The following LPP variants were observed in gnomAD, a reference collection of about 807,000 sequenced individuals.
LPP encodes LIM domain containing preferred translocation partner in lipoma, also known as lipoma-preferred partner.
A neutral mutation model predicts 60.4 loss-of-function variants in LPP; 38 were observed. The ratio of observed to expected loss-of-function variants is 0.63; its 90% CI spans 0.49 to 0.83. The LOEUF (loss-of-function observed/expected upper bound fraction) is 0.83, where lower values mean the gene tolerates loss of function less well. Among genes scored for constraint, LPP ranks in the 40% least tolerant of loss-of-function variants. The pLI is 0.00. For missense variants in LPP, 902 were observed against 783.6 expected, an observed-to-expected ratio of 1.15 and a Z score of -1.80; for synonymous variants, 328 against 290.8, an observed-to-expected ratio of 1.13 and a Z score of -1.30.
At chr3:188,647,041 A>G (rs973592078) in intron 7 of LPP, among the ~76,000 whole-genome samples, 1 of 152,226 alleles carries the variant, frequency 6.6e-6, no homozygotes, top group African/African-American at 2.4e-5. Context: ...TTGGCCCATA[A>G]TAGGTATTCA....
chr3:188,527,547 T>C (rs1483093192), intron 6 of LPP, among the ~76,000 whole-genome samples: 6 of 152,114 alleles, frequency 3.9e-5, no homozygotes, highest in Non-Finnish European at 8.8e-5. Flanking sequence ...TCTAGAATGA[T>C]GCAGGAAATG....
At chr3:188,738,941 G>A (rs879449836) in intron 8 of LPP, among the ~76,000 whole-genome samples, 93 of 152,066 alleles carry the variant, frequency 6.1e-4, no homozygotes, top group Non-Finnish European at 9.9e-4. Context: ...GCTTGCCCCT[G>A]CATATACCAA....
intron 2 of LPP, among the ~76,000 whole-genome samples, chr3:188,226,392 C>T (rs1329662932): frequency 6.6e-6 from 1 of 152,104 alleles, no homozygotes; most frequent in Non-Finnish European, 1.5e-5. Flanking sequence ...TTTTAAAGGG[C>T]CTGCCAGAGC....
At chr3:188,595,288 T>A (rs1379437090) in intron 6 of LPP, among the ~76,000 whole-genome samples, 1 of 152,038 alleles carries the variant, frequency 6.6e-6, no homozygotes, top group Non-Finnish European at 1.5e-5. Context: ...ATCTTTGAAT[T>A]TGTTGATGTT....
intron 7 of LPP, among the ~76,000 whole-genome samples, chr3:188,621,372 C>T (rs1348021381): frequency 2.0e-5 from 3 of 152,158 alleles, no homozygotes; most frequent in South Asian, 2.1e-4. Flanking sequence ...AGTTTATGTC[C>T]ATGTGTGCTC....
At chr3:188,155,365 C>T in intron 1 of LPP, among the ~76,000 whole-genome samples, 1 of 152,198 alleles carries the variant, frequency 6.6e-6, no homozygotes, top group East Asian at 1.9e-4. Flanking sequence ...CATTCCTTCC[C>T]CTTTTACTAA....
At chr3:188,595,409 C>T (rs912979799) in intron 6 of LPP, among the ~76,000 whole-genome samples, 3 of 152,162 alleles carry the variant, frequency 2.0e-5, no homozygotes, top group African/African-American at 7.2e-5. Context: ...ATCAGTCATT[C>T]GTATCCCCCA....
At chr3:188,620,206 A>G (rs1845559664) in intron 7 of LPP, among the ~76,000 whole-genome samples, 1 of 152,144 alleles carries the variant, frequency 6.6e-6, no homozygotes, top group Admixed American at 6.5e-5. Context: ...CAATTAAATT[A>G]TTTTTAGTAT....
chr3:188,836,745 T>C (rs527557367), intron 9 of LPP, among the ~76,000 whole-genome samples: 34 of 152,350 alleles, frequency 2.2e-4, no homozygotes, highest in Admixed American at 1.2e-3. Context: ...TAAATATAAA[T>C]TAAAATGTTT....
At chr3:188,465,973 T>G (rs969438836) in intron 4 of LPP, among the ~76,000 whole-genome samples, 1 of 152,120 alleles carries the variant, frequency 6.6e-6, no homozygotes. Context: ...AACTATCCAT[T>G]AAGTCAAAGG....
chr3:188,301,099 C>G (rs1283256222), intron 2 of LPP, among the ~76,000 whole-genome samples: 1 of 152,190 alleles, frequency 6.6e-6, no homozygotes, highest in African/African-American at 2.4e-5. Flanking sequence ...CATCCACCCT[C>G]CTGCCTCTCT....
At chr3:188,505,709 A>G (rs1813254083) in intron 5 of LPP, among the ~76,000 whole-genome samples, 2 of 152,164 alleles carry the variant, frequency 1.3e-5, no homozygotes, top group East Asian at 3.9e-4. Flanking sequence ...ATCTATCACC[A>G]AGGCTTACAG....
At chr3:188,543,429 C>G (rs1825734946) in intron 6 of LPP, among the ~76,000 whole-genome samples, 1 of 152,178 alleles carries the variant, frequency 6.6e-6, no homozygotes, top group South Asian at 2.1e-4. Context: ...ACTTCTTGGT[C>G]TTTCACAAGG....
intron 3 of LPP, among the ~76,000 whole-genome samples, chr3:188,366,677 G>T (rs544325472): frequency 6.6e-6 from 1 of 152,304 alleles, no homozygotes; most frequent in Non-Finnish European, 1.5e-5. Flanking sequence ...CATTGGAATT[G>T]TCTTCAGAGA....
intron 1 of LPP, among the ~76,000 whole-genome samples, chr3:188,202,764 G>A (rs1457889380): frequency 1.3e-5 from 2 of 152,150 alleles, no homozygotes; most frequent in African/African-American, 4.8e-5. Flanking sequence ...GGATGGAACT[G>A]ACTAAACATA....
chr3:188,337,141 G>T (rs980258185), intron 2 of LPP, among the ~76,000 whole-genome samples: 2 of 152,130 alleles, frequency 1.3e-5, no homozygotes, highest in Admixed American at 1.3e-4. Context: ...CTGGCAGCTC[G>T]GCTTGGGGAT....
intron 6 of LPP, among the ~76,000 whole-genome samples, chr3:188,593,153 GGTGT>G (rs10678737): frequency 0.049 from 7,307 of 148,478 alleles, 261 homozygotes; most frequent in Middle Eastern, 0.084. Flanking sequence ...TCTGATGCCT[GGTGT>G]GTGTGTGTGT....
intron 9 of LPP, among the ~76,000 whole-genome samples, chr3:188,762,527 G>A (rs1732719687): frequency 6.6e-6 from 1 of 152,110 alleles, no homozygotes; most frequent in South Asian, 2.1e-4. Context: ...TTTTCTGAGT[G>A]CGTAACAAAA....
At chr3:188,435,834 C>T (rs534349910) in intron 4 of LPP, among the ~76,000 whole-genome samples, 1 of 152,244 alleles carries the variant, frequency 6.6e-6, no homozygotes, top group African/African-American at 2.4e-5. Flanking sequence ...TTCCTTGAAG[C>T]TTGAGGCACT....
Sources: gnomAD v4.1 joint callset for allele counts (sites outside exome capture counted in the v4.1 genomes callset) on GRCh38, gnomAD v4.1.1 for gene constraint, MANE v1.5 for transcripts, NCBI Gene and HGNC (gene_info 2026-07-23, HGNC 2026-07-21) for gene names.